Variants in HDAC9 observed in about 807,000 individuals in gnomAD.
HDAC9 encodes the protein histone deacetylase 9.
A neutral mutation model predicts 139.4 loss-of-function variants in HDAC9; 41 were observed. That is an observed-to-expected ratio of 0.29 (90% CI 0.23 to 0.38). The LOEUF (loss-of-function observed/expected upper bound fraction) is 0.38. Ranked by LOEUF, HDAC9 falls within the 10% of genes least tolerant of loss-of-function variation. HDAC9 has a pLI of 1.00. For synonymous variants in HDAC9, 517 were observed against 476.2 expected, an observed-to-expected ratio of 1.09 and a Z score of -1.12; for missense variants, 1,147 against 1,297.0, an observed-to-expected ratio of 0.88 and a Z score of 1.78.
At chr7:18,877,991 C>G (rs985321365) in intron 22 of HDAC9, among the ~76,000 whole-genome samples, 1 of 152,116 alleles carries the variant, frequency 6.6e-6, no homozygotes, top group Non-Finnish European at 1.5e-5. Flanking sequence ...GACTAAATAG[C>G]TTTTTAACCT....
At chr7:18,454,423 C>T (rs1286947040) in intron 1 of HDAC9, among the ~76,000 whole-genome samples, 1 of 152,018 alleles carries the variant, frequency 6.6e-6, no homozygotes, top group Non-Finnish European at 1.5e-5. Flanking sequence ...ACTGTCTTCA[C>T]TTCCTATGTA....
intron 4 of HDAC9, 49 bp from the exon 5 acceptor site, chr7:18,591,465 CTG>C: frequency 3.4e-6 from 5 of 1,474,288 alleles, no homozygotes; most frequent in Non-Finnish European, 4.5e-6. Flanking sequence ...ACATCTGTTT[CTG>C]TGTGTGTATG....
chr7:18,929,775 A>C (rs895509759), intron 22 of HDAC9, among the ~76,000 whole-genome samples: 1 of 152,026 alleles, frequency 6.6e-6, no homozygotes, highest in Non-Finnish European at 1.5e-5. Flanking sequence ...CCGCGTCTCT[A>C]CTAAAAATAC....
At chr7:18,930,519 A>G (rs1459445790) in intron 22 of HDAC9, among the ~76,000 whole-genome samples, 2 of 152,140 alleles carry the variant, frequency 1.3e-5, no homozygotes, top group African/African-American at 2.4e-5. Context: ...ATGTCCTGAA[A>G]AATAATACCT....
intron 12 of HDAC9, chr7:18,667,673 A>G (rs1011450879): frequency 5.1e-6 from 5 of 985,158 alleles, no homozygotes; most frequent in East Asian, 1.1e-4. Context: ...AGGAAGTCCA[A>G]GTGATTCATG....
intron 13 of HDAC9, among the ~76,000 whole-genome samples, chr7:18,743,852 C>CT (rs1304409852): frequency 3.3e-5 from 5 of 151,808 alleles, no homozygotes; most frequent in East Asian, 1.9e-4. Flanking sequence ...TTCAGAATAG[C>CT]TTTTTTTATC....
intron 12 of HDAC9, among the ~76,000 whole-genome samples, chr7:18,694,795 G>T (rs1176770392): frequency 2.6e-5 from 4 of 152,030 alleles, no homozygotes; most frequent in East Asian, 3.9e-4. Context: ...CATTAAAGAG[G>T]CCCCTCCAGT....
intron 2 of HDAC9, among the ~76,000 whole-genome samples, chr7:18,189,202 A>G (rs1365204817): frequency 6.6e-6 from 1 of 152,170 alleles, no homozygotes. Context: ...AGGGACACGG[A>G]TGAAGCTGGA....
chr7:18,485,152 T>G (rs969474561), intron 1 of HDAC9, among the ~76,000 whole-genome samples: 14 of 152,140 alleles, frequency 9.2e-5, no homozygotes, highest in Admixed American at 9.2e-4. Context: ...TATTCCTAGG[T>G]TCGAATTAAA....
At chr7:18,247,973 G>T (rs1282603836) in intron 2 of HDAC9, among the ~76,000 whole-genome samples, 1 of 152,064 alleles carries the variant, frequency 6.6e-6, no homozygotes, top group Non-Finnish European at 1.5e-5. Context: ...AGAAAATGTG[G>T]AAAATTTTGA....
At chr7:18,298,431 C>T (rs1384019773) in intron 1 of HDAC9, among the ~76,000 whole-genome samples, 1 of 152,042 alleles carries the variant, frequency 6.6e-6, no homozygotes, top group Non-Finnish European at 1.5e-5. Context: ...TGCTATCCCT[C>T]CCCGCTCCCC....
chr7:18,600,888 A>G (rs1406364038), intron 6 of HDAC9, among the ~76,000 whole-genome samples: 1 of 152,056 alleles, frequency 6.6e-6, no homozygotes, highest in Non-Finnish European at 1.5e-5. Context: ...GCAGTGGTGC[A>G]ATCTCCTGGG....
At chr7:18,088,235 G>C (rs896157540) in intron 1 of HDAC9, among the ~76,000 whole-genome samples, 1 of 152,104 alleles carries the variant, frequency 6.6e-6, no homozygotes. Flanking sequence ...TATGGGAAAG[G>C]GGTAAGAAAG....
At chr7:18,551,634 A>T (rs572412172) in intron 2 of HDAC9, among the ~76,000 whole-genome samples, 1 of 152,244 alleles carries the variant, frequency 6.6e-6, no homozygotes, top group Non-Finnish European at 1.5e-5. Flanking sequence ...ATGTGATTCA[A>T]TATCTTCCTG....
intron 11 of HDAC9, among the ~76,000 whole-genome samples, chr7:18,657,822 TG>T (rs1212926420): frequency 2.0e-5 from 3 of 152,178 alleles, no homozygotes; most frequent in African/African-American, 7.2e-5. Flanking sequence ...TGCTCCCTCT[TG>T]TTTGTAGGAT....
At chr7:18,125,197 C>T (rs1391714406) in intron 1 of HDAC9, among the ~76,000 whole-genome samples, 1 of 152,020 alleles carries the variant, frequency 6.6e-6, no homozygotes, top group African/African-American at 2.4e-5. Flanking sequence ...ATCTTTTACC[C>T]TTTGTCTCAG....
At position 18,231,433 on chromosome 7, in the gene HDAC9, T is replaced by C. The variant is rs75269663; in HGVS notation, c.25+69084T>C. On this transcript the variant is annotated intron_variant, in intron 2 of 12. Transcript: ENST00000417496. ...ACCAGTCCCAAGAAGAGGCACCATATGGGCTAGTGTTTAGGACTACCTGAG... is the reference window on the plus strand; with the variant it reads ...ACCAGTCCCAAGAAGAGGCACCATACGGGCTAGTGTTTAGGACTACCTGAG... 5.2e-3 allele frequency among the ~76,000 whole-genome samples: 795 copies of C among 152,308 alleles called. 5 individuals carry two copies. The highest frequency in any genetic ancestry group is 0.014 in the African/African-American group (589 of 41,584).
intron 21 of HDAC9, among the ~76,000 whole-genome samples, chr7:18,870,848 T>C (rs760980054): frequency 5.1e-4 from 78 of 152,220 alleles, no homozygotes; most frequent in Non-Finnish European, 7.9e-4. Context: ...TAATCTTTTT[T>C]GGAGAGATGG....
At position 18,991,894 on chromosome 7, in the gene HDAC9, G is replaced by A. The variant is rs554960755; in HGVS notation, c.3171-4129G>A. Reference sequence around the variant, plus strand: ...GAGAATGTGAGTTCTATGAGAGCAGGGATGTTTGTCTATTTTGTTCATTGC... The same window carrying A: ...GAGAATGTGAGTTCTATGAGAGCAGAGATGTTTGTCTATTTTGTTCATTGC... On this transcript the variant is annotated intron_variant, in intron 25 of 25. Transcript: ENST00000686413. Among the ~76,000 whole-genome samples the A allele has an allele frequency of 4.6e-5, 7 of 152,318 alleles. No homozygotes were observed. The South Asian group carries it at 1.5e-3, about 32-fold the overall frequency.
Sources: gnomAD v4.1 joint callset for allele counts (sites outside exome capture counted in the v4.1 genomes callset) on GRCh38, gnomAD v4.1.1 for gene constraint, MANE v1.5 for transcripts, NCBI Gene and HGNC (gene_info 2026-07-23, HGNC 2026-07-21) for gene names.